A3GALT2: variants seen among roughly 807,000 people sequenced by gnomAD.
A3GALT2 encodes the protein alpha-1,3-galactosyltransferase 2.
A neutral mutation model predicts 16.6 loss-of-function variants in A3GALT2; 14 were observed. That is an observed-to-expected ratio of 0.84 (90% confidence interval 0.56 to 1.32). The LOEUF (loss-of-function observed/expected upper bound fraction) is 1.32, where lower values mean the gene tolerates loss of function less well. A3GALT2 is among the 40% of genes most tolerant of loss of function. The probability of loss-of-function intolerance (pLI) is 0.00; values close to 1 mark genes in which losing one functional copy is unlikely to be tolerated. For synonymous variants in A3GALT2, 253 were observed against 218.0 expected, an observed-to-expected ratio of 1.16 and a Z score of -1.42; for missense variants, 600 against 490.9, an observed-to-expected ratio of 1.22 and a Z score of -2.10.
chr1:33,316,165 T>C (rs1476446687), intron 1 of A3GALT2, among the ~76,000 whole-genome samples: 1 of 151,946 alleles, frequency 6.6e-6, no homozygotes, highest in Non-Finnish European at 1.5e-5. Context: ...GAAGAAGGCA[T>C]GGAGGGGGAA....
intron 4 of A3GALT2, 127 bp downstream of exon 4, chr1:33,311,925 G>C: frequency 7.3e-7 from 1 of 1,375,558 alleles, no homozygotes; most frequent in Non-Finnish European, 9.8e-7. Flanking sequence ...AAGAAGTGTT[G>C]TCTTTGCTTC....
At position 33,306,889 on chromosome 1, in the gene A3GALT2, C is replaced by T; in HGVS notation, c.900G>A (p.Leu300=). ...GCGACAGCACCTTGGCGGGCTTGTGCAGCCAGAAGAACTTGTTGAGGTGGC... is the reference window on the plus strand; with the variant it reads ...GCGACAGCACCTTGGCGGGCTTGTGTAGCCAGAAGAACTTGTTGAGGTGGC... ...DESHLNKFFW[L]HKPAKVLSPE... Residue 300 remains leucine, a synonymous_variant, in exon 5 of 5, where the codon CTG becomes CTA. Coordinates refer to ENST00000442999, the MANE Select transcript of A3GALT2 (RefSeq NM_001080438.1). The T allele has an allele frequency of 1.3e-6, 2 of 1,522,250 alleles. No individual in the cohort carries two copies. The highest frequency in any genetic ancestry group is 1.8e-6 in the Non-Finnish European group (2 of 1,140,540). 94.3% of individuals were successfully genotyped at this position (1,522,250 alleles called of 1,614,324 possible).
intron 1 of A3GALT2, chr1:33,314,498 A>G (rs937777265): frequency 6.6e-6 from 1 of 152,314 alleles, no homozygotes; most frequent in African/African-American, 2.4e-5. Context: ...AGTGCTGCGA[A>G]CTGCCTTGCA....
chr1:33,307,261 G>T lies in A3GALT2; in HGVS notation c.528C>A (p.Arg176=). The T allele has an allele frequency of 6.8e-7, 1 of 1,462,910 alleles. No individual in the cohort carries two copies. The highest frequency in any genetic ancestry group is 1.3e-5 in the South Asian group (1 of 74,834). The allele number at this position is 1,462,910 out of a possible 1,614,324, so 90.6% of individuals were successfully genotyped here. Residue 176 remains arginine, a synonymous_variant, in exon 5 of 5, where the codon CGC becomes CGA. Transcript: ENST00000442999. ...ERRWQDVSMA[R]MRTLHAALGG... is the part of the protein sequence containing the mutation. ...CCAGCGCCGCGTGCAACGTGCGCAT[G>T]CGCGCCATCGACACGTCTTGCCAGC...
chr1:33,312,885 C>G lies in A3GALT2; in HGVS notation c.29G>C (p.Trp10Ser), dbSNP rs1187604987. MALKEGLRA[W>S]KRIFWRQILL... ...GATCTGCCGCCAGAAGATTCTCTTC[C>G]AGGCCCTGGGGGCGGGAGGGGGGCA... Residue 10 changes from tryptophan (W) to serine (S), a missense_variant, in exon 2 of 5, where the codon TGG becomes TCG. Trp to Ser is a radical substitution (Grantham distance 177). Coordinates refer to ENST00000442999, the MANE Select transcript of A3GALT2 (RefSeq NM_001080438.1). The G allele has an allele frequency of 1.9e-6, 3 of 1,604,346 alleles. No individual in the cohort carries two copies.
At chr1:33,316,437 AAAC>A (rs1324489077) in intron 1 of A3GALT2, among the ~76,000 whole-genome samples, 1 of 152,124 alleles carries the variant, frequency 6.6e-6, no homozygotes, top group Non-Finnish European at 1.5e-5. Context: ...AAACAAAACA[AAAC>A]AAAACAAAAA....
intron 1 of A3GALT2, among the ~76,000 whole-genome samples, chr1:33,316,301 A>G (rs1182794931): frequency 6.6e-6 from 1 of 152,058 alleles, no homozygotes; most frequent in Non-Finnish European, 1.5e-5. Context: ...TGCAGAGGTG[A>G]GCCGGGGCCA....
intron 1 of A3GALT2, among the ~76,000 whole-genome samples, chr1:33,318,156 T>A (rs1056733505): frequency 1.3e-5 from 2 of 152,228 alleles, no homozygotes; most frequent in Admixed American, 6.5e-5. Context: ...CGTTCTTTCA[T>A]GAGTGTAGGA....
rs772394785 is a variant in A3GALT2, at chr1:33,307,300, C to T, written c.489G>A (p.Val163=). ...CGTCTTGCCAGCGCCGCTCGCGCGC[C>T]ACGCGCTCCACGGGCAGCCGGCGTC... ...GPGRRLPVER[V]ARERRWQDVS... Residue 163 remains valine, a synonymous_variant, in exon 5 of 5, where the codon GTG becomes GTA. Transcript: ENST00000442999. 6.8e-7 allele frequency: 1 copy of T among 1,472,246 alleles called. No homozygotes were observed. Among genetic ancestry groups the T allele is most frequent in the South Asian group, 1.4e-5 (1 of 73,654 alleles). 91.2% of individuals were successfully genotyped at this position (1,472,246 alleles called of 1,614,324 possible).
chr1:33,308,716 A>T (rs1448822961), intron 4 of A3GALT2, among the ~76,000 whole-genome samples: 3 of 125,472 alleles, frequency 2.4e-5, no homozygotes, highest in African/African-American at 1.0e-4. Flanking sequence ...CCTCCACAGA[A>T]TTATTATTAT....
chr1:33,307,141 C>A lies in A3GALT2; in HGVS notation c.648G>T (p.Ser216=). The change falls in exon 5 of 5, where the codon TCG becomes TCT. Residue 216 remains serine (S), a synonymous_variant. Transcript: ENST00000442999. ...GTFGPEALAE[S]VAQLHSWHYH... Reference sequence around the variant, plus strand: ...AGTGCCAGGAGTGCAGCTGCGCCACCGACTCGGCCAGCGCCTCGGGCCCAA... The same window carrying A: ...AGTGCCAGGAGTGCAGCTGCGCCACAGACTCGGCCAGCGCCTCGGGCCCAA... 1.3e-6 allele frequency: 2 copies of A among 1,548,168 alleles called. No individual in the cohort carries two copies. The highest frequency in any genetic ancestry group is 1.7e-6 in the Non-Finnish European group (2 of 1,150,084).
At chr1:33,314,831 C>T (rs1646253979) in intron 1 of A3GALT2, 1 of 152,218 alleles carries the variant, frequency 6.6e-6, no homozygotes, top group South Asian at 2.1e-4. Flanking sequence ...CAGGTAAATC[C>T]TCAAAGAAGA....
rs80043331 is a variant in A3GALT2, at chr1:33,312,026, G to T, written c.335+26C>A. On this transcript the variant is annotated intron_variant, in intron 4 of 4. Coordinates refer to ENST00000442999, the MANE Select transcript of A3GALT2 (RefSeq NM_001080438.1). ...ACCCCTCCCACTCACAGCTTTGACA[G>T]CACTGCTCCCCTTCCCAGGCCTTAC... is the stretch of plus-strand genomic sequence containing the variant. 1.6e-5 allele frequency: 25 copies of T among 1,612,682 alleles called. No homozygotes were observed. The Middle Eastern group carries it at 4.9e-4, about 32-fold the overall frequency.
intron 1 of A3GALT2, among the ~76,000 whole-genome samples, chr1:33,317,163 G>A (rs1036399150): frequency 2.0e-5 from 3 of 152,100 alleles, no homozygotes; most frequent in African/African-American, 7.2e-5. Context: ...GAAGGCTTTA[G>A]TGTCCAGCTG....
At chr1:33,309,227 TC>T (rs1333707260) in intron 4 of A3GALT2, among the ~76,000 whole-genome samples, 10 of 152,264 alleles carry the variant, frequency 6.6e-5, no homozygotes, top group Admixed American at 1.3e-4. Flanking sequence ...TTCCCCCTTT[TC>T]TATTCGACAA....
intron 4 of A3GALT2, among the ~76,000 whole-genome samples, 165 bp from the exon 5 acceptor site, chr1:33,307,618 CCCTCACCCCCACCTCACACCACCCAAT>C (rs1646202903): frequency 1.1e-5 from 1 of 89,578 alleles, no homozygotes; most frequent in Non-Finnish European, 2.3e-5. Flanking sequence ...CCCCTCCCAA[CCCTCACCCCCACCTCACACCACCCAAT>C]CCTCACCCCC....
chr1:33,320,937 C>T lies in A3GALT2; in HGVS notation c.23+139G>A, dbSNP rs576966825. 9.8e-6 allele frequency: 11 copies of T among 1,118,394 alleles called. No homozygotes were observed. The African/African-American group carries it at 1.5e-4, about 16-fold the overall frequency. 69.3% of individuals were successfully genotyped at this position (1,118,394 alleles called of 1,614,324 possible). ...TGTCCCCTCTCGGAGCCACCTTTCC[C>T]CAGGACTGGAGGCTCAGCTGGTACT... On this transcript the variant is annotated intron_variant, in intron 1 of 4. Coordinates refer to ENST00000442999, the MANE Select transcript of A3GALT2 (RefSeq NM_001080438.1). The surrounding 1 kb of genome is among the most constrained non-coding windows in gnomAD (Gnocchi z 4.3).
At position 33,311,318 on chromosome 1, in the gene A3GALT2, C is replaced by T. The variant is rs117612360; in HGVS notation, c.335+734G>A. On this transcript the variant is annotated intron_variant, in intron 4 of 4. Coordinates refer to ENST00000442999, the MANE Select transcript of A3GALT2 (RefSeq NM_001080438.1). ...TGTAGTGATTTTCCCGTGCCCTCCA[C>T]GGTCACCTGTTCCCTTCACAGTTAC... Among the ~76,000 whole-genome samples, 298 of 152,246 alleles carry T rather than the reference C, an allele frequency of 2.0e-3. 10 individuals are homozygous for T. In the East Asian group the frequency reaches 0.051, roughly 26 times the overall value.
Position 33,307,283 on chromosome 1 carries a change from CA to C in A3GALT2, c.505del (p.Trp169GlyfsTer100), listed in dbSNP as rs1411406417. 6.9e-7 allele frequency: 1 copy of C among 1,439,340 alleles called. No homozygotes were observed. The highest frequency in any genetic ancestry group is 1.5e-5 in the African/African-American group (1 of 67,286). 89.2% of individuals were successfully genotyped at this position (1,439,340 alleles called of 1,614,324 possible). The part of the protein sequence containing the change: ...PVERVARERR[W>X]QDVSMARMRT... ...CATGCGCGCCATCGACACGTCTTGC[CA>C]GCGCCGCTCGCGCGCCACGCGCTCC... On this transcript the variant is annotated frameshift_variant, in exon 5 of 5. Coordinates refer to ENST00000442999, the MANE Select transcript of A3GALT2 (RefSeq NM_001080438.1). LOFTEE classifies it low-confidence loss of function (END_TRUNC).
Sources: allele counts gnomAD v4.1 joint callset (sites outside exome capture counted in the v4.1 genomes callset), GRCh38; gene constraint gnomAD v4.1.1; non-coding constraint Gnocchi (gnomAD v3.1); transcripts MANE v1.5; gene names NCBI Gene and HGNC (gene_info 2026-07-23, HGNC 2026-07-21).